PPM1L: variants seen among roughly 807,000 people sequenced by gnomAD.
PPM1L encodes the protein protein phosphatase, Mg2+/Mn2+ dependent 1L.
A neutral mutation model predicts 31.4 loss-of-function variants in PPM1L; 13 were observed. The observed-to-expected ratio is 0.41, with a 90% CI of 0.27 to 0.66. The LOEUF (loss-of-function observed/expected upper bound fraction) is 0.66, where lower values mean the gene tolerates loss of function less well. PPM1L is among the 30% of genes least tolerant of loss of function. The pLI is 0.29. For synonymous variants in PPM1L, 184 were observed against 175.4 expected (o/e 1.05, Z -0.39); for missense variants, 326 against 453.7 (o/e 0.72, Z 2.56).
At chr3:160,893,087 T>C (rs907000195) in intron 1 of PPM1L, among the ~76,000 whole-genome samples, 5 of 152,200 alleles carry the variant, frequency 3.3e-5, no homozygotes, top group Non-Finnish European at 7.3e-5. Flanking sequence ...AAGGTAGACC[T>C]AAGAAGGCCA....
chr3:160,968,126 G>T (rs1405067223), intron 2 of PPM1L, among the ~76,000 whole-genome samples: 2 of 150,686 alleles, frequency 1.3e-5, no homozygotes, highest in Non-Finnish European at 3.0e-5. Flanking sequence ...TTGGTGGGAT[G>T]GGGAGTGAGA....
intron 1 of PPM1L, among the ~76,000 whole-genome samples, chr3:160,817,818 A>G (rs1407931540): frequency 6.6e-6 from 1 of 152,002 alleles, no homozygotes; most frequent in Non-Finnish European, 1.5e-5. Context: ...TGAAGGAGGC[A>G]AGTTCAGCTT....
At chr3:160,770,747 G>GA (rs1296352091) in intron 1 of PPM1L, among the ~76,000 whole-genome samples, 11 of 152,200 alleles carry the variant, frequency 7.2e-5, no homozygotes, top group Admixed American at 2.0e-4. Flanking sequence ...TCTGGTTTCA[G>GA]AAAAGTGGGA....
intron 2 of PPM1L, among the ~76,000 whole-genome samples, chr3:160,997,052 G>A (rs1717347103): frequency 6.6e-6 from 1 of 152,082 alleles, no homozygotes; most frequent in East Asian, 1.9e-4. Context: ...ATATCCTGTT[G>A]GGCTGAAGAA....
At chr3:160,963,968 A>T (rs928668258) in intron 2 of PPM1L, among the ~76,000 whole-genome samples, 2 of 152,094 alleles carry the variant, frequency 1.3e-5, no homozygotes, top group Middle Eastern at 3.2e-3. Flanking sequence ...TGTGATCTTC[A>T]GCAAATTAAC....
At chr3:160,920,263 G>C (rs1714341371) in intron 1 of PPM1L, among the ~76,000 whole-genome samples, 1 of 152,084 alleles carries the variant, frequency 6.6e-6, no homozygotes, top group African/African-American at 2.4e-5. Context: ...CCACCTCTGG[G>C]AGCTCTATGG....
intron 1 of PPM1L, among the ~76,000 whole-genome samples, chr3:160,896,198 T>A (rs1266116182): frequency 6.6e-6 from 1 of 152,204 alleles, no homozygotes; most frequent in Non-Finnish European, 1.5e-5. Flanking sequence ...AATTACTTAT[T>A]TAAAGTTTAA....
At chr3:160,989,567 G>A (rs1559915362) in intron 2 of PPM1L, among the ~76,000 whole-genome samples, 1 of 151,880 alleles carries the variant, frequency 6.6e-6, no homozygotes, top group Non-Finnish European at 1.5e-5. Flanking sequence ...CACCATGCCC[G>A]GCCAGGCTGG....
At chr3:161,034,086 GA>G (rs147773759) in intron 2 of PPM1L, among the ~76,000 whole-genome samples, 41,029 of 151,824 alleles carry the variant, frequency 0.27, 5,925 homozygotes, top group East Asian at 0.58. Context: ...ACAAACTTAT[GA>G]AAAAAAAGCT....
chr3:161,008,125 C>T (rs1576779365), intron 2 of PPM1L, among the ~76,000 whole-genome samples: 1 of 152,170 alleles, frequency 6.6e-6, no homozygotes, highest in South Asian at 2.1e-4. Context: ...CAAAGCTAAC[C>T]ATAAAACCAT....
intron 1 of PPM1L, among the ~76,000 whole-genome samples, chr3:160,843,556 T>G (rs1215984330): frequency 6.7e-6 from 1 of 150,082 alleles, no homozygotes; most frequent in African/African-American, 2.5e-5. Flanking sequence ...CATGTTGGTG[T>G]GCTGCACCCA....
At chr3:161,024,048 G>A (rs1046859232) in intron 2 of PPM1L, among the ~76,000 whole-genome samples, 7 of 152,040 alleles carry the variant, frequency 4.6e-5, no homozygotes, top group African/African-American at 9.7e-5. Context: ...AGGCCCAGAC[G>A]GGCAGATCAC....
At chr3:161,054,130 G>C (rs150065727) in intron 2 of PPM1L, among the ~76,000 whole-genome samples, 1 of 151,938 alleles carries the variant, frequency 6.6e-6, no homozygotes, top group Admixed American at 6.6e-5. Context: ...ATATATGGGC[G>C]TGTCCCATCA....
At chr3:160,966,586 G>C (rs559531300) in intron 2 of PPM1L, among the ~76,000 whole-genome samples, 353 of 152,106 alleles carry the variant, frequency 2.3e-3, no homozygotes, top group African/African-American at 8.4e-3. Context: ...TTTCATTTTT[G>C]TTTTGCTCTT....
intron 1 of PPM1L, among the ~76,000 whole-genome samples, chr3:160,955,550 G>T: frequency 6.6e-6 from 1 of 151,728 alleles, no homozygotes; most frequent in East Asian, 1.9e-4. Flanking sequence ...TATTAAAATT[G>T]CAGTTTCCTT....
chr3:160,989,765 T>A lies in PPM1L; in HGVS notation c.574+27855T>A, dbSNP rs373913028. Among the ~76,000 whole-genome samples the A allele has an allele frequency of 3.9e-5, 6 of 152,060 alleles. No individual in the cohort carries two copies. The East Asian group carries it at 9.7e-4, about 24-fold the overall frequency. On this transcript the variant is annotated intron_variant, in intron 2 of 3. Coordinates refer to ENST00000498165, the MANE Select transcript of PPM1L (RefSeq NM_139245.4). ...GCCTTGAAATCCTGGGCTCAAGTAA[T>A]CCTCCCACCTCAGCCTCCCAAGTGG...
intron 1 of PPM1L, among the ~76,000 whole-genome samples, chr3:160,872,481 C>T (rs539772715): frequency 1.2e-4 from 18 of 152,292 alleles, no homozygotes; most frequent in Non-Finnish European, 2.4e-4. Context: ...GTCCCCTGCT[C>T]TCAGGAAGTT....
At chr3:161,021,136 T>G (rs1340868278) in intron 2 of PPM1L, among the ~76,000 whole-genome samples, 1 of 152,020 alleles carries the variant, frequency 6.6e-6, no homozygotes, top group East Asian at 1.9e-4. Context: ...GGTGGTAGCT[T>G]AGGTTTTTTA....
At chr3:160,960,524 TTTTG>T (rs764036741) in intron 1 of PPM1L, among the ~76,000 whole-genome samples, 276 of 151,702 alleles carry the variant, frequency 1.8e-3, no homozygotes, top group Admixed American at 3.3e-3. Flanking sequence ...GATACCATCT[TTTTG>T]TTTGTTTGTT....
Sources: gnomAD v4.1 joint callset for allele counts (sites outside exome capture counted in the v4.1 genomes callset) on GRCh38, gnomAD v4.1.1 for gene constraint, MANE v1.5 for transcripts, NCBI Gene and HGNC (gene_info 2026-07-23, HGNC 2026-07-21) for gene names.